AFF3: variants seen among roughly 807,000 people sequenced by gnomAD.
AFF3 encodes the protein AF4/FMR2 family member 3.
A neutral mutation model predicts 129.7 loss-of-function variants in AFF3; 32 were observed. The ratio of observed to expected loss-of-function variants is 0.25; its 90% CI spans 0.19 to 0.33. The LOEUF is 0.33. Among genes scored for constraint, AFF3 ranks in the 10% least tolerant of loss-of-function variants. AFF3 has a pLI of 1.00. For synonymous variants in AFF3, 644 were observed against 635.4 expected (o/e 1.01, Z -0.20); for missense variants, 1,373 against 1,592.0 (o/e 0.86, Z 2.34).
In AFF3 at chr2:100,038,947, C is replaced by G. The variant is rs1471399202; in HGVS notation, c.54-30015G>C. Among the ~76,000 whole-genome samples the G allele has an allele frequency of 2.0e-5, 3 of 152,128 alleles. No homozygotes were observed. The East Asian group carries it at 5.8e-4, about 29-fold the overall frequency. On this transcript the variant is annotated intron_variant, in intron 4 of 24. Transcript: ENST00000672756. Reference sequence around the variant, plus strand: ...CCATGTTGGCCAGGCTGGTCTTGAACTCCTGACATCAGGTGATCCACCTGC... The same window carrying G: ...CCATGTTGGCCAGGCTGGTCTTGAAGTCCTGACATCAGGTGATCCACCTGC...
At chr2:99,844,109 CA>C (rs1235044889) in intron 7 of AFF3, among the ~76,000 whole-genome samples, 2 of 151,872 alleles carry the variant, frequency 1.3e-5, no homozygotes, top group Non-Finnish European at 2.9e-5. Flanking sequence ...CTGAAAGATA[CA>C]AAAAAAGACC....
At chr2:99,821,605 C>A (rs1447936256) in intron 8 of AFF3, among the ~76,000 whole-genome samples, 2 of 152,232 alleles carry the variant, frequency 1.3e-5, no homozygotes, top group African/African-American at 4.8e-5. Flanking sequence ...ATTGGACCAG[C>A]TTGGTATAGT....
rs974939604 is a variant in AFF3, at chr2:100,137,300, G to A, written c.-228+5184C>T. On this transcript the variant is annotated intron_variant, in intron 1 of 24. Transcript: ENST00000672756. ...GGAATGACTGTAGCCACACATCTCAGAATGTCCCAGATATTCCCAATTTCA... is the reference window on the plus strand; with the variant it reads ...GGAATGACTGTAGCCACACATCTCAAAATGTCCCAGATATTCCCAATTTCA... Among the ~76,000 whole-genome samples, 4 of 152,200 alleles carry A rather than the reference G, an allele frequency of 2.6e-5. No individual in the cohort carries two copies. The East Asian group carries it at 7.7e-4, about 29-fold the overall frequency.
intron 4 of AFF3, among the ~76,000 whole-genome samples, chr2:100,027,862 T>A (rs1255756487): frequency 1.3e-5 from 2 of 152,202 alleles, no homozygotes; most frequent in Non-Finnish European, 2.9e-5. Context: ...TTTCTTAATA[T>A]TAATGTTAAG....
At chr2:99,771,570 C>T (rs1307390411) in intron 8 of AFF3, among the ~76,000 whole-genome samples, 3 of 152,118 alleles carry the variant, frequency 2.0e-5, no homozygotes, top group Non-Finnish European at 4.4e-5. Flanking sequence ...CCAACAAAAG[C>T]ATTTTAAAGG....
intron 4 of AFF3, among the ~76,000 whole-genome samples, chr2:100,085,437 T>C (rs1380680925): frequency 6.6e-6 from 1 of 151,868 alleles, no homozygotes; most frequent in African/African-American, 2.4e-5. Context: ...CATCATTTCC[T>C]CCCTGAGGCT....
At chr2:99,822,693 C>G (rs1687775466) in intron 8 of AFF3, among the ~76,000 whole-genome samples, 1 of 152,168 alleles carries the variant, frequency 6.6e-6, no homozygotes. Flanking sequence ...ATGACCCCTC[C>G]CCGCATCCAC....
intron 8 of AFF3, among the ~76,000 whole-genome samples, chr2:99,825,153 T>C (rs1474500657): frequency 1.3e-5 from 2 of 152,188 alleles, no homozygotes; most frequent in African/African-American, 2.4e-5. Flanking sequence ...AAACGATGGA[T>C]AAATGCAATG....
chr2:100,105,729 A>G (rs1359620331), intron 2 of AFF3, 146 bp from the exon 3 acceptor site: 2 of 1,362,614 alleles, frequency 1.5e-6, no homozygotes, highest in South Asian at 1.2e-5. Flanking sequence ...CTGCTTCTCC[A>G]CAGTTGGCCT....
intron 7 of AFF3, among the ~76,000 whole-genome samples, chr2:99,912,167 C>T (rs1695147573): frequency 6.6e-6 from 1 of 152,066 alleles, no homozygotes; most frequent in African/African-American, 2.4e-5. Flanking sequence ...AAGAGATTAG[C>T]CTATAAAAGG....
chr2:99,945,062 G>A (rs1675428903), intron 7 of AFF3, among the ~76,000 whole-genome samples: 1 of 152,186 alleles, frequency 6.6e-6, no homozygotes, highest in Non-Finnish European at 1.5e-5. Context: ...CCTGCATCCT[G>A]CTCTTGGGGA....
chr2:100,073,457 C>T (rs1688358397), intron 4 of AFF3, among the ~76,000 whole-genome samples: 2 of 152,216 alleles, frequency 1.3e-5, no homozygotes, highest in Non-Finnish European at 2.9e-5. Flanking sequence ...CAACACCTTC[C>T]TCTCAGCCTT....
At chr2:99,933,937 C>G (rs1017554750) in intron 7 of AFF3, among the ~76,000 whole-genome samples, 3 of 152,166 alleles carry the variant, frequency 2.0e-5, no homozygotes, top group African/African-American at 7.2e-5. Flanking sequence ...CCAACCCCAA[C>G]TGAGCACCAC....
intron 4 of AFF3, among the ~76,000 whole-genome samples, chr2:100,015,662 T>C (rs1225983329): frequency 6.6e-6 from 1 of 152,232 alleles, no homozygotes; most frequent in African/African-American, 2.4e-5. Flanking sequence ...TGAAGTGTAC[T>C]TGCAAATTCC....
chr2:99,828,375 G>A (rs1221710660), intron 8 of AFF3, among the ~76,000 whole-genome samples: 1 of 152,188 alleles, frequency 6.6e-6, no homozygotes, highest in African/African-American at 2.4e-5. Context: ...TAAAGCAGAC[G>A]TCGCAACCGG....
intron 11 of AFF3, among the ~76,000 whole-genome samples, chr2:99,723,648 C>A (rs1679104779): frequency 2.0e-5 from 3 of 152,084 alleles, no homozygotes; most frequent in Non-Finnish European, 4.4e-5. Flanking sequence ...ATCTGTGTAC[C>A]CCTGGTTCTG....
At chr2:99,557,443 C>T (rs35035563) in intron 22 of AFF3, among the ~76,000 whole-genome samples, 58,087 of 151,972 alleles carry the variant, frequency 0.38, 11,618 homozygotes, top group East Asian at 0.52. Flanking sequence ...CCACGCCTGG[C>T]GTGTTTTCTA....
At chr2:99,943,092 C>T (rs1310587257) in intron 7 of AFF3, among the ~76,000 whole-genome samples, 2 of 152,124 alleles carry the variant, frequency 1.3e-5, no homozygotes, top group African/African-American at 4.8e-5. Flanking sequence ...ACTAAAACAC[C>T]ATTCCTGTTC....
intron 12 of AFF3, among the ~76,000 whole-genome samples, chr2:99,662,488 G>A (rs1686334406): frequency 6.6e-6 from 1 of 152,068 alleles, no homozygotes. Flanking sequence ...GTCCATTGGG[G>A]CAAGGGATTT....
Sources: allele counts gnomAD v4.1 joint callset (sites outside exome capture counted in the v4.1 genomes callset), GRCh38; gene constraint gnomAD v4.1.1; transcripts MANE v1.5; gene names NCBI Gene and HGNC (gene_info 2026-07-23, HGNC 2026-07-21).